Variants in ZNF385B observed in about 807,000 individuals in gnomAD.
The protein encoded by ZNF385B is zinc finger protein 533.
Under a neutral mutation model 39.2 loss-of-function variants are expected in ZNF385B, and 23 were observed. That is an observed-to-expected ratio of 0.59 (90% CI 0.42 to 0.83). The LOEUF (loss-of-function observed/expected upper bound fraction) is 0.83. Among genes scored for constraint, ZNF385B ranks in the 40% least tolerant of loss-of-function variants. The probability of loss-of-function intolerance (pLI) is 0.00; values close to 1 mark genes in which losing one functional copy is unlikely to be tolerated. For synonymous variants in ZNF385B, 205 were observed against 222.6 expected, an observed-to-expected ratio of 0.92 and a Z score of 0.70; for missense variants, 552 against 598.9, an observed-to-expected ratio of 0.92 and a Z score of 0.82.
chr2:179,759,286 A>C (rs898214846), intron 3 of ZNF385B, among the ~76,000 whole-genome samples: 3 of 152,102 alleles, frequency 2.0e-5, no homozygotes, highest in Non-Finnish European at 2.9e-5. Context: ...ACCCTGGGGA[A>C]GCAATACCTA....
At chr2:179,581,223 A>G (rs1164372259) in intron 3 of ZNF385B, among the ~76,000 whole-genome samples, 1 of 152,160 alleles carries the variant, frequency 6.6e-6, no homozygotes, top group African/African-American at 2.4e-5. Flanking sequence ...TTTCTACATT[A>G]AAAATAAGTA....
At chr2:179,509,771 T>C (rs1233047321) in intron 5 of ZNF385B, among the ~76,000 whole-genome samples, 1 of 152,220 alleles carries the variant, frequency 6.6e-6, no homozygotes, top group Admixed American at 6.5e-5. Flanking sequence ...ACTTACAGTA[T>C]TATTCATTTA....
At chr2:179,852,807 G>T (rs934252327) in intron 1 of ZNF385B, among the ~76,000 whole-genome samples, 8 of 152,150 alleles carry the variant, frequency 5.3e-5, no homozygotes, top group Non-Finnish European at 1.0e-4. Context: ...GCTTTCAAGG[G>T]TTAATTCCAT....
At chr2:179,767,706 G>C (rs1316747047) in intron 3 of ZNF385B, among the ~76,000 whole-genome samples, 1 of 151,988 alleles carries the variant, frequency 6.6e-6, no homozygotes, top group East Asian at 1.9e-4. Context: ...GATAGCACTA[G>C]GTATATTCCG....
intron 3 of ZNF385B, among the ~76,000 whole-genome samples, chr2:179,632,284 T>G (rs1476652131): frequency 1.3e-5 from 2 of 152,170 alleles, no homozygotes; most frequent in Non-Finnish European, 2.9e-5. Flanking sequence ...GTTCTAAAAA[T>G]GACCACATAA....
intron 3 of ZNF385B, among the ~76,000 whole-genome samples, chr2:179,658,014 A>C (rs1286156335): frequency 2.0e-5 from 3 of 152,214 alleles, no homozygotes; most frequent in Admixed American, 6.5e-5. Flanking sequence ...AAAGGGAGGA[A>C]ACCTTGGGCA....
At chr2:179,619,418 T>A (rs890224682) in intron 3 of ZNF385B, among the ~76,000 whole-genome samples, 3 of 152,194 alleles carry the variant, frequency 2.0e-5, no homozygotes, top group Non-Finnish European at 4.4e-5. Flanking sequence ...TCAACATGTA[T>A]ACCCAATAGC....
chr2:179,759,066 T>C (rs943543890), intron 3 of ZNF385B, among the ~76,000 whole-genome samples: 4 of 152,204 alleles, frequency 2.6e-5, no homozygotes, highest in Middle Eastern at 3.2e-3. Context: ...ATTCTCTTCA[T>C]TCCCTTTGGA....
At chr2:179,641,888 G>C (rs576796375) in intron 3 of ZNF385B, among the ~76,000 whole-genome samples, 2 of 152,080 alleles carry the variant, frequency 1.3e-5, no homozygotes, top group Non-Finnish European at 2.9e-5. Context: ...GTGGGAAGAA[G>C]GTACATCTGT....
chr2:179,545,030 C>T, intron 3 of ZNF385B, 61 bp from the exon 4 acceptor site: 2 of 1,608,242 alleles, frequency 1.2e-6, no homozygotes, highest in Non-Finnish European at 1.7e-6. Flanking sequence ...CCCTCCCAAA[C>T]CTACAGTGCA....
Position 179,826,584 on chromosome 2 carries a change from C to G in ZNF385B, c.-155+34517G>C, listed in dbSNP as rs182867923. ...AACTATGCAGCACTCTCCCTTAAAG[C>G]AGGGGGTCAGCAGCAAGATATTTCT... is the stretch of plus-strand genomic sequence containing the variant. On this transcript the variant is annotated intron_variant, in intron 1 of 9. Transcript: ENST00000410066. 1.5e-4 allele frequency among the ~76,000 whole-genome samples: 23 copies of G among 152,180 alleles called. No homozygotes were observed. The East Asian group carries it at 4.1e-3, about 27-fold the overall frequency.
chr2:179,804,784 A>G (rs1319070272), intron 1 of ZNF385B, among the ~76,000 whole-genome samples: 1 of 152,204 alleles, frequency 6.6e-6, no homozygotes, highest in African/African-American at 2.4e-5. Flanking sequence ...GTGACTCCAC[A>G]GCACAAAACT....
intron 4 of ZNF385B, among the ~76,000 whole-genome samples, chr2:179,539,322 A>G (rs2059774795): frequency 6.6e-6 from 1 of 152,146 alleles, no homozygotes; most frequent in African/African-American, 2.4e-5. Flanking sequence ...CATGACCTCA[A>G]CTAACACTAA....
At chr2:179,757,125 G>A (rs957509684) in intron 3 of ZNF385B, among the ~76,000 whole-genome samples, 46 of 152,252 alleles carry the variant, frequency 3.0e-4, no homozygotes, top group Non-Finnish European at 4.9e-4. Context: ...TGATGGTGAC[G>A]TACAGATGGG....
chr2:179,861,267 G>A lies in ZNF385B; in HGVS notation c.-321C>T, dbSNP rs1685043561. 2 of 159,618 alleles carry A rather than the reference G, an allele frequency of 1.3e-5. No individual in the cohort carries two copies. Among genetic ancestry groups the A allele is most frequent in the Admixed American group, 6.5e-5 (1 of 15,304 alleles). The allele number at this position is 159,618 out of a possible 1,614,324, so 9.9% of individuals were successfully genotyped here. On this transcript the variant is annotated 5_prime_UTR_variant, in exon 1 of 10. Transcript: ENST00000410066. ...AGGCGGTGGCGGTGGCGGTAGCAGC[G>A]GCGGCGGTGGAGGTGGCGCGGGCGA...
chr2:179,485,898 A>T (rs1006380782), intron 5 of ZNF385B, among the ~76,000 whole-genome samples: 1 of 152,186 alleles, frequency 6.6e-6, no homozygotes, highest in Non-Finnish European at 1.5e-5. Context: ...TACTGACTAT[A>T]CATGGTCCCT....
chr2:179,648,758 G>A (rs1692963831), intron 3 of ZNF385B, among the ~76,000 whole-genome samples: 1 of 152,132 alleles, frequency 6.6e-6, no homozygotes, highest in Admixed American at 6.5e-5. Flanking sequence ...CAGCTTGAAG[G>A]AACTCCCTCT....
intron 3 of ZNF385B, among the ~76,000 whole-genome samples, chr2:179,661,492 A>G (rs1694467536): frequency 6.6e-6 from 1 of 152,060 alleles, no homozygotes; most frequent in African/African-American, 2.4e-5. Context: ...TCATATATCT[A>G]TATCTGATAT....
At position 179,861,343 on chromosome 2, in the gene ZNF385B, G is replaced by T. The variant is rs1239250652; in HGVS notation, c.-397C>A. 1 of 150,908 alleles carries T rather than the reference G, an allele frequency of 6.6e-6. No homozygotes were observed. 9.3% of individuals were successfully genotyped at this position (150,908 alleles called of 1,614,324 possible). ...ACTGTCCAACTCTTGCCCGCGCCGG[G>T]CTTAAGCGCCCGGCCGCTGCCCCCG... On this transcript the variant is annotated 5_prime_UTR_variant, in exon 1 of 10. Coordinates refer to ENST00000410066, the MANE Select transcript of ZNF385B (RefSeq NM_152520.6).
Sources: allele counts gnomAD v4.1 joint callset (sites outside exome capture counted in the v4.1 genomes callset), GRCh38; gene constraint gnomAD v4.1.1; transcripts MANE v1.5; gene names NCBI Gene and HGNC (gene_info 2026-07-23, HGNC 2026-07-21).